GRIK1: variants seen among roughly 807,000 people sequenced by gnomAD.
The protein encoded by GRIK1 is glutamate receptor ionotropic, kainate 1.
In GRIK1, 69 loss-of-function variants were observed where a neutral mutation model predicts 105.7. That is an observed-to-expected ratio of 0.65 (90% CI 0.54 to 0.80). The LOEUF (loss-of-function observed/expected upper bound fraction) is 0.80, where lower values mean the gene tolerates loss of function less well. GRIK1 is among the 30% of genes least tolerant of loss of function. The pLI is 0.00. For synonymous variants in GRIK1, 438 were observed against 431.3 expected (o/e 1.02, Z -0.19); for missense variants, 1,109 against 1,167.3 (o/e 0.95, Z 0.73).
At chr21:29,853,409 C>T (rs775794138) in intron 1 of GRIK1, among the ~76,000 whole-genome samples, 4 of 152,170 alleles carry the variant, frequency 2.6e-5, no homozygotes, top group Non-Finnish European at 5.9e-5. Context: ...CTTAGTCCTC[C>T]AGCTACCTTT....
At chr21:29,577,952 T>C (rs2090934460) in intron 13 of GRIK1, among the ~76,000 whole-genome samples, 1 of 152,192 alleles carries the variant, frequency 6.6e-6, no homozygotes, top group Non-Finnish European at 1.5e-5. Flanking sequence ...AATGATAAAA[T>C]AGAGGCACTT....
chr21:29,654,032 C>T (rs1191571239), intron 5 of GRIK1, among the ~76,000 whole-genome samples: 1 of 151,990 alleles, frequency 6.6e-6, no homozygotes, highest in Admixed American at 6.5e-5. Context: ...TGTTACTGAC[C>T]CCCCCAGAAT....
At chr21:29,848,768 TATA>T (rs1339619680) in intron 1 of GRIK1, among the ~76,000 whole-genome samples, 14 of 97,156 alleles carry the variant, frequency 1.4e-4, no homozygotes, top group African/African-American at 7.1e-4. Context: ...TATATATATA[TATA>T]TATATATATT....
At chr21:29,649,952 G>A (rs1312581139) in intron 6 of GRIK1, among the ~76,000 whole-genome samples, 4 of 152,102 alleles carry the variant, frequency 2.6e-5, no homozygotes, top group South Asian at 2.1e-4. Context: ...ATCTATTAGC[G>A]TGCTTCTCCC....
At chr21:29,840,695 A>G (rs2067952660) in intron 1 of GRIK1, among the ~76,000 whole-genome samples, 2 of 152,078 alleles carry the variant, frequency 1.3e-5, no homozygotes, top group Admixed American at 1.3e-4. Flanking sequence ...TTGGCTCATA[A>G]TATTTTTTTA....
In GRIK1 at chr21:29,890,198, T is replaced by C. The variant is rs536263416; in HGVS notation, c.118+49185A>G. On this transcript the variant is annotated intron_variant, in intron 1 of 17. Coordinates refer to ENST00000327783, the MANE Select transcript of GRIK1 (RefSeq NM_001330994.2). ...TCAGTGTCCTACACACCATAGGCTC[T>C]AGATTAATTACAAACTATGTTTCTC... 9.2e-5 allele frequency among the ~76,000 whole-genome samples: 14 copies of C among 152,288 alleles called. No homozygotes were observed. In the South Asian group the frequency reaches 2.9e-3, roughly 32 times the overall value.
intron 1 of GRIK1, among the ~76,000 whole-genome samples, chr21:29,813,012 A>G (rs879754301): frequency 2.0e-5 from 3 of 152,144 alleles, no homozygotes; most frequent in Non-Finnish European, 4.4e-5. Flanking sequence ...TTTTCTGTGC[A>G]TTAGCATTGG....
At chr21:29,738,540 CT>C (rs1343535861) in intron 1 of GRIK1, among the ~76,000 whole-genome samples, 5 of 152,160 alleles carry the variant, frequency 3.3e-5, no homozygotes, top group Admixed American at 2.6e-4. Flanking sequence ...ATCCTTTGTG[CT>C]TAAGACACTG....
intron 1 of GRIK1, among the ~76,000 whole-genome samples, chr21:29,860,796 G>T (rs980351778): frequency 2.2e-3 from 338 of 152,284 alleles, no homozygotes; most frequent in Non-Finnish European, 3.8e-3. Flanking sequence ...TTTCAATACA[G>T]TAGCCACTAG....
chr21:29,686,741 T>G (rs2063493290), intron 3 of GRIK1, among the ~76,000 whole-genome samples: 1 of 152,164 alleles, frequency 6.6e-6, no homozygotes, highest in Non-Finnish European at 1.5e-5. Flanking sequence ...CAGAAAAAGT[T>G]TGCTGATCCC....
chr21:29,580,666 A>G (rs1004058261), intron 13 of GRIK1, among the ~76,000 whole-genome samples: 2 of 152,144 alleles, frequency 1.3e-5, no homozygotes, highest in Admixed American at 6.6e-5. Context: ...TATATTCCGA[A>G]CACAACAGTT....
intron 1 of GRIK1, among the ~76,000 whole-genome samples, chr21:29,803,091 C>T (rs188402853): frequency 3.3e-5 from 5 of 152,078 alleles, no homozygotes; most frequent in East Asian, 1.9e-4. Context: ...TGGATATTTA[C>T]GATCTGAATT....
intron 1 of GRIK1, among the ~76,000 whole-genome samples, chr21:29,710,831 CCTTCCTTCCTT>C (rs2064032103): frequency 8.8e-6 from 1 of 114,218 alleles, no homozygotes; most frequent in African/African-American, 3.4e-5. Flanking sequence ...TTCCTTCCTT[CCTTCCTTCCTT>C]TTCTCTCCCT....
intron 7 of GRIK1, among the ~76,000 whole-genome samples, chr21:29,600,418 G>A (rs1192956336): frequency 6.6e-6 from 1 of 152,164 alleles, no homozygotes; most frequent in Non-Finnish European, 1.5e-5. Flanking sequence ...CCTTGGGAGA[G>A]TCTTCAGCTT....
intron 1 of GRIK1, among the ~76,000 whole-genome samples, chr21:29,751,725 T>C (rs1360851273): frequency 6.6e-6 from 1 of 152,238 alleles, no homozygotes; most frequent in East Asian, 1.9e-4. Flanking sequence ...TGGGAGGGAA[T>C]CTGCATATGT....
intron 1 of GRIK1, among the ~76,000 whole-genome samples, chr21:29,717,099 T>C (rs2064196858): frequency 6.6e-6 from 1 of 152,240 alleles, no homozygotes; most frequent in Non-Finnish European, 1.5e-5. Flanking sequence ...GTTGAGGCTG[T>C]AGGTGCACAG....
intron 1 of GRIK1, among the ~76,000 whole-genome samples, chr21:29,880,974 G>A (rs1365067679): frequency 6.6e-6 from 1 of 152,010 alleles, no homozygotes; most frequent in Non-Finnish European, 1.5e-5. Context: ...CCCCAGGTTG[G>A]GTGCCACTGA....
At chr21:29,896,488 A>G (rs2070166154) in intron 1 of GRIK1, among the ~76,000 whole-genome samples, 1 of 152,222 alleles carries the variant, frequency 6.6e-6, no homozygotes, top group Admixed American at 6.5e-5. Flanking sequence ...CCATATCCCC[A>G]GTATCTAGGA....
chr21:29,720,807 C>T (rs558337718), intron 1 of GRIK1, among the ~76,000 whole-genome samples: 25 of 152,242 alleles, frequency 1.6e-4, no homozygotes, highest in South Asian at 4.1e-4. Context: ...TATTATGAAG[C>T]TATGCACCTT....
Sources: allele counts gnomAD v4.1 joint callset (sites outside exome capture counted in the v4.1 genomes callset), GRCh38; gene constraint gnomAD v4.1.1; transcripts MANE v1.5; gene names NCBI Gene and HGNC (gene_info 2026-07-23, HGNC 2026-07-21).